Variants in TTPA observed in about 807,000 individuals in gnomAD.
The protein encoded by TTPA is alpha tocopherol transfer protein.
Under a neutral mutation model 25.9 loss-of-function variants are expected in TTPA, and 23 were observed. The observed-to-expected ratio is 0.89, with a 90% confidence interval of 0.64 to 1.26. The LOEUF is 1.26. TTPA is among the 50% of genes most tolerant of loss of function. The probability of loss-of-function intolerance (pLI) is 0.00; values close to 1 mark genes in which losing one functional copy is unlikely to be tolerated. For synonymous variants in TTPA, 148 were observed against 137.3 expected, an observed-to-expected ratio of 1.08 and a Z score of -0.54; for missense variants, 337 against 353.1, an observed-to-expected ratio of 0.95 and a Z score of 0.37.
At chr8:63,063,906 GT>G (rs1382211157) in intron 4 of TTPA, among the ~76,000 whole-genome samples, 3 of 152,086 alleles carry the variant, frequency 2.0e-5, no homozygotes, top group Non-Finnish European at 4.4e-5. Flanking sequence ...ATTCAAGACA[GT>G]GATTTTGATG....
chr8:63,083,592 A>G (rs1017593866), intron 1 of TTPA, among the ~76,000 whole-genome samples: 1 of 152,054 alleles, frequency 6.6e-6, no homozygotes, highest in African/African-American at 2.4e-5. Context: ...CTATGTATCA[A>G]ACCTGCACAT....
chr8:63,065,855 A>G (rs1191684495), intron 3 of TTPA, 49 bp downstream of exon 3: 1 of 1,584,758 alleles, frequency 6.3e-7, no homozygotes. Flanking sequence ...ACAAAATTTA[A>G]AACTATAATT....
At chr8:63,062,483 C>T (rs61315221) in intron 4 of TTPA, among the ~76,000 whole-genome samples, 163 of 152,228 alleles carry the variant, frequency 1.1e-3, no homozygotes, top group African/African-American at 3.7e-3. Flanking sequence ...TTCCTATACT[C>T]ACTTAGGAAA....
At chr8:63,079,400 G>A (rs1033581792) in intron 1 of TTPA, among the ~76,000 whole-genome samples, 3 of 152,050 alleles carry the variant, frequency 2.0e-5, no homozygotes, top group Non-Finnish European at 4.4e-5. Context: ...ATTGAATAAA[G>A]AGTCAAGACC....
At chr8:63,082,746 G>A (rs1805683814) in intron 1 of TTPA, among the ~76,000 whole-genome samples, 1 of 152,178 alleles carries the variant, frequency 6.6e-6, no homozygotes, top group South Asian at 2.1e-4. Context: ...CTACCCATCT[G>A]ACAAAGGGCT....
At chr8:63,063,560 G>A (rs1472922327) in intron 4 of TTPA, among the ~76,000 whole-genome samples, 1 of 152,160 alleles carries the variant, frequency 6.6e-6, no homozygotes, top group Non-Finnish European at 1.5e-5. Flanking sequence ...GATACACAGT[G>A]AGAGATCTTG....
chr8:63,082,471 C>A (rs1805679134), intron 1 of TTPA, among the ~76,000 whole-genome samples: 1 of 152,146 alleles, frequency 6.6e-6, no homozygotes. Context: ...CCCTTCCTTA[C>A]ATCTTATACA....
intron 1 of TTPA, 63 bp downstream of exon 1, chr8:63,085,755 G>T: frequency 1.3e-6 from 2 of 1,511,656 alleles, no homozygotes; most frequent in Non-Finnish European, 1.8e-6. Context: ...ATCCGGGGTC[G>T]TGGGGCGGGG....
downstream of TTPA, among the ~76,000 whole-genome samples, chr8:63,059,181 G>A (rs1281555415): frequency 6.7e-6 from 1 of 149,652 alleles, no homozygotes; most frequent in African/African-American, 2.4e-5. Flanking sequence ...ACAGGCGCCC[G>A]CCACTACGCC....
intron 3 of TTPA, among the ~76,000 whole-genome samples, chr8:63,064,809 A>G (rs76536473): frequency 0.082 from 12,442 of 152,208 alleles, 942 homozygotes; most frequent in East Asian, 0.42. Flanking sequence ...TGAAGGAAAA[A>G]GATGGTTTTC....
At position 63,086,051 on chromosome 8, in the gene TTPA, C is replaced by T. The variant is rs1181692493; in HGVS notation, c.-30G>A. 1 of 1,385,586 alleles carries T rather than the reference C, an allele frequency of 7.2e-7. No individual in the cohort carries two copies. The allele number at this position is 1,385,586 out of a possible 1,614,324, so 85.8% of individuals were successfully genotyped here. On this transcript the variant is annotated 5_prime_UTR_variant, in exon 1 of 5. Coordinates refer to ENST00000260116, the MANE Select transcript of TTPA (RefSeq NM_000370.3). ...GCCGCCGCTGCTGCGGCCGCAGCTA[C>T]CCGGGCACCCGGGAAAAGCGCGCGC...
rs531423821 is a variant in TTPA at position 63,080,527 on chromosome 8, C to G, written c.204+5291G>C. On this transcript the variant is annotated intron_variant, in intron 1 of 4. Transcript: ENST00000260116. ...ACGACGTCGGGAGATCAAGACCATC[C>G]TAGCTAACACGGTGAAACCCCGTCT... Among the ~76,000 whole-genome samples the G allele has an allele frequency of 1.1e-3, 160 of 152,086 alleles. 1 individual carries two copies. The highest frequency in any genetic ancestry group is 2.5e-3 in the Admixed American group (38 of 15,298).
intron 1 of TTPA, among the ~76,000 whole-genome samples, chr8:63,079,510 A>AG (rs1232158844): frequency 2.0e-5 from 3 of 152,142 alleles, no homozygotes; most frequent in Admixed American, 2.0e-4. Context: ...GCAAAAAAAA[A>AG]GCAGGGGTTG....
chr8:63,073,010 G>C lies in TTPA; in HGVS notation c.283C>G (p.Leu95Val), dbSNP rs1805506079. 6.2e-7 allele frequency: 1 copy of C among 1,613,824 alleles called. No individual in the cohort carries two copies. Among genetic ancestry groups the C allele is most frequent in the African/African-American group, 1.3e-5 (1 of 74,900 alleles). ...ACTCCATGGTAGCCAGCCTTTAGGA[G>C]GCCAATAATACTTCTAGGGTGTAGA... ...ADLHPRSIIG[L>V]LKAGYHGVLR... Residue 95 changes from leucine (L) to valine (V), a missense_variant, in exon 2 of 5, where the codon CTC becomes GTC. Transcript: ENST00000260116.
chr8:63,075,955 C>T (rs551799586), intron 1 of TTPA, among the ~76,000 whole-genome samples: 16 of 152,142 alleles, frequency 1.1e-4, no homozygotes, highest in Admixed American at 4.6e-4. Context: ...TAGGCTATCA[C>T]TTGATATAAG....
chr8:63,075,879 T>C (rs7846022), intron 1 of TTPA, among the ~76,000 whole-genome samples: 10,292 of 152,010 alleles, frequency 0.068, 646 homozygotes, highest in African/African-American at 0.16. Context: ...TTGGAAAGCT[T>C]TGGGAAAACC....
At chr8:63,067,780 C>A (rs1020480821) in intron 2 of TTPA, among the ~76,000 whole-genome samples, 3 of 152,132 alleles carry the variant, frequency 2.0e-5, no homozygotes, top group Admixed American at 2.0e-4. Flanking sequence ...CCTCTCCTCT[C>A]TTGTCATCTC....
chr8:63,061,664 T>G (rs958345361), intron 4 of TTPA, among the ~76,000 whole-genome samples: 1 of 152,230 alleles, frequency 6.6e-6, no homozygotes, highest in Non-Finnish European at 1.5e-5. Context: ...ATAAAATTTA[T>G]AAAAAGTTAT....
chr8:63,085,690 G>A, intron 1 of TTPA, 128 bp downstream of exon 1: 1 of 1,173,774 alleles, frequency 8.5e-7, no homozygotes. Context: ...GGTGGTTAGG[G>A]GCGCGTTACC....
Sources: gnomAD v4.1 joint callset for allele counts (sites outside exome capture counted in the v4.1 genomes callset) on GRCh38, gnomAD v4.1.1 for gene constraint, MANE v1.5 for transcripts, NCBI Gene and HGNC (gene_info 2026-07-23, HGNC 2026-07-21) for gene names.